DNAAF11: variants seen among roughly 807,000 people sequenced by gnomAD.
DNAAF11 encodes the protein leucine rich repeat containing 6.
In DNAAF11, 45 loss-of-function variants were observed where a neutral mutation model predicts 60.8. The observed-to-expected ratio is 0.74, with a 90% CI of 0.58 to 0.95. DNAAF11 has a LOEUF of 0.95. Among genes scored for constraint, DNAAF11 ranks in the 40% least tolerant of loss-of-function variants. The pLI is 0.00. For synonymous variants in DNAAF11, 191 were observed against 183.5 expected (o/e 1.04, Z -0.33); for missense variants, 546 against 546.2 (o/e 1.00, Z 0.00).
Position 132,614,925 on chromosome 8 carries a change from T to C in DNAAF11, c.974+113A>G, listed in dbSNP as rs182037288. 312 of 590,834 alleles carry C rather than the reference T, an allele frequency of 5.3e-4. No individual in the cohort carries two copies. Among genetic ancestry groups the C allele is most frequent in the Admixed American group, 7.8e-4 (26 of 33,352 alleles). 36.6% of individuals were successfully genotyped at this position (590,834 alleles called of 1,614,324 possible). A position where few individuals can be genotyped will look rare whatever the true frequency, so the allele number is the denominator to read the frequency against. ...TCTCTGTCTTAACAAATAAGCTTCA[T>C]TTAACTATAGGTCTAAGTCAATTCC... On this transcript the variant is annotated intron_variant, in intron 8 of 11. Transcript: ENST00000620350.
At chr8:132,624,545 C>T (rs533554467) in intron 6 of DNAAF11, among the ~76,000 whole-genome samples, 1 of 152,210 alleles carries the variant, frequency 6.6e-6, no homozygotes, top group South Asian at 2.1e-4. Context: ...TAGTTTCTTG[C>T]TTTTAGTTGT....
chr8:132,680,845 G>A, the DNAAF11 span, among the ~76,000 whole-genome samples: 1 of 151,264 alleles, frequency 6.6e-6, no homozygotes, highest in Admixed American at 6.6e-5. Context: ...GCACCTTGAG[G>A]ACTAATTGGC....
chr8:132,665,631 A>T (rs751837840), intron 1 of DNAAF11, among the ~76,000 whole-genome samples: 3 of 152,214 alleles, frequency 2.0e-5, no homozygotes, highest in Non-Finnish European at 2.9e-5. Flanking sequence ...AAAAGGGAAC[A>T]CTTATACTCT....
rs146155451 is a variant in DNAAF11, at chr8:132,583,707, G to C, written c.1213C>G (p.Gln405Glu). Residue 405 changes from glutamine (Q) to glutamate (E), a missense_variant, in exon 11 of 12, where the codon CAA becomes GAA. Transcript: ENST00000620350. The stretch of plus-strand genomic sequence containing the variant: ...GGAGGGTGGTACCTTGTATTTGTTT[G>C]TTCTCTGCTCCTGTCCGAGGTAGTT... ...MKTTSDRSRE[Q>E]TNTRSKHMEK... The C allele has an allele frequency of 6.2e-7, 1 of 1,613,374 alleles. No homozygotes were observed. Among genetic ancestry groups the C allele is most frequent in the Non-Finnish European group, 8.5e-7 (1 of 1,179,452 alleles).
chr8:132,584,719 C>T (rs1348070075), intron 10 of DNAAF11, among the ~76,000 whole-genome samples: 2 of 152,096 alleles, frequency 1.3e-5, no homozygotes, highest in South Asian at 2.1e-4. Flanking sequence ...CCACATCTCT[C>T]TTATGGGCAG....
chr8:132,654,602 C>T (rs528659930), intron 3 of DNAAF11, among the ~76,000 whole-genome samples: 11 of 149,154 alleles, frequency 7.4e-5, no homozygotes, highest in East Asian at 2.0e-4. Context: ...TGGAGTGAAA[C>T]GAGAAATCAG....
At chr8:132,680,561 T>C (rs1024309583), upstream of DNAAF11, among the ~76,000 whole-genome samples, 2 of 152,174 alleles carry the variant, frequency 1.3e-5, no homozygotes, top group South Asian at 2.1e-4. Context: ...CACCATACTT[T>C]GCATTTATTT....
At chr8:132,670,601 A>T (rs1825087654) in intron 1 of DNAAF11, among the ~76,000 whole-genome samples, 3 of 152,202 alleles carry the variant, frequency 2.0e-5, no homozygotes, top group Admixed American at 2.0e-4. Context: ...AGGAAATAAT[A>T]CTTCCCATTA....
chr8:132,693,719 GAGA>G, the DNAAF11 span, among the ~76,000 whole-genome samples: 4 of 152,118 alleles, frequency 2.6e-5, no homozygotes, highest in Non-Finnish European at 4.4e-5. Context: ...CCTTATTTAG[GAGA>G]AGGTGACATT....
chr8:132,694,450 C>T, the DNAAF11 span, among the ~76,000 whole-genome samples: 33 of 152,254 alleles, frequency 2.2e-4, no homozygotes, highest in African/African-American at 7.9e-4. Flanking sequence ...GGGGAGGCCT[C>T]AGAAGAAACC....
At chr8:132,650,321 G>A (rs1390369669) in intron 3 of DNAAF11, among the ~76,000 whole-genome samples, 1 of 149,994 alleles carries the variant, frequency 6.7e-6, no homozygotes, top group African/African-American at 2.4e-5. Flanking sequence ...TGAACAATGA[G>A]AACACATGGA....
chr8:132,693,844 C>A, the DNAAF11 span, among the ~76,000 whole-genome samples: 1 of 152,074 alleles, frequency 6.6e-6, no homozygotes, highest in Non-Finnish European at 1.5e-5. Flanking sequence ...GCATGGTGAC[C>A]CACCTGCTTA....
At chr8:132,592,839 A>C (rs1004927226) in intron 10 of DNAAF11, among the ~76,000 whole-genome samples, 2 of 152,098 alleles carry the variant, frequency 1.3e-5, no homozygotes, top group African/African-American at 4.8e-5. Flanking sequence ...GTGAAGATAG[A>C]GGGAGATGAC....
At chr8:132,635,354 T>C (rs1821189544) in intron 4 of DNAAF11, among the ~76,000 whole-genome samples, 1 of 152,218 alleles carries the variant, frequency 6.6e-6, no homozygotes, top group South Asian at 2.1e-4. Context: ...TAAGATGTAC[T>C]GAAGGCCTCA....
chr8:132,683,395 C>G, the DNAAF11 span, among the ~76,000 whole-genome samples: 1 of 152,190 alleles, frequency 6.6e-6, no homozygotes, highest in African/African-American at 2.4e-5. Context: ...CCCCTCTGAG[C>G]CCATTGAGGC....
At chr8:132,639,731 T>G (rs1463718361) in intron 3 of DNAAF11, among the ~76,000 whole-genome samples, 77 of 152,130 alleles carry the variant, frequency 5.1e-4, no homozygotes, top group Admixed American at 5.0e-3. Context: ...ATAAGTTACC[T>G]CTATCTTAGA....
intron 3 of DNAAF11, among the ~76,000 whole-genome samples, chr8:132,646,993 C>T (rs1822466232): frequency 1.3e-5 from 2 of 151,984 alleles, no homozygotes; most frequent in African/African-American, 4.8e-5. Context: ...ACCAAGTGGA[C>T]CTAATAGACA....
chr8:132,639,075 A>G (rs964717242), intron 3 of DNAAF11, among the ~76,000 whole-genome samples: 27 of 152,236 alleles, frequency 1.8e-4, no homozygotes, highest in African/African-American at 6.5e-4. Flanking sequence ...CTTGCCACCT[A>G]GAGTGTCAGT....
the DNAAF11 span, among the ~76,000 whole-genome samples, chr8:132,697,487 A>T: frequency 6.6e-6 from 1 of 152,050 alleles, no homozygotes. Flanking sequence ...GTGTGGTGGC[A>T]TGCACCTGTA....
Sources: gnomAD v4.1 joint callset for allele counts (sites outside exome capture counted in the v4.1 genomes callset) on GRCh38, gnomAD v4.1.1 for gene constraint, MANE v1.5 for transcripts, NCBI Gene and HGNC (gene_info 2026-07-23, HGNC 2026-07-21) for gene names.